The following WASF3 variants were observed in gnomAD, a reference collection of about 807,000 sequenced individuals.
The protein encoded by WASF3 is actin-binding protein WASF3.
In WASF3, 11 loss-of-function variants were observed where a neutral mutation model predicts 46.6. The observed-to-expected ratio is 0.24, with a 90% confidence interval of 0.15 to 0.39. The LOEUF is 0.39. WASF3 is among the 10% of genes least tolerant of loss of function. WASF3 has a pLI of 1.00. For missense variants in WASF3, 576 were observed against 669.8 expected (o/e 0.86, Z 1.55); for synonymous variants, 242 against 259.7 (o/e 0.93, Z 0.65).
intron 1 of WASF3, among the ~76,000 whole-genome samples, chr13:26,597,111 C>T (rs539359368): frequency 7.9e-5 from 12 of 152,052 alleles, no homozygotes; most frequent in Non-Finnish European, 1.6e-4. Flanking sequence ...TGTTTGTCTC[C>T]TCCTTGTGTC....
chr13:26,628,048 G>A (rs546969868), intron 2 of WASF3, among the ~76,000 whole-genome samples: 351 of 132,712 alleles, frequency 2.6e-3, no homozygotes, highest in African/African-American at 8.8e-3. Flanking sequence ...AATGCTGCCC[G>A]TACATGGAAA....
intron 1 of WASF3, among the ~76,000 whole-genome samples, chr13:26,563,137 G>C (rs1345286900): frequency 1.3e-5 from 2 of 151,780 alleles, no homozygotes; most frequent in African/African-American, 2.4e-5. Context: ...TGTTCTGACA[G>C]AATACTCTCT....
chr13:26,549,504 G>A, the WASF3 span, among the ~76,000 whole-genome samples: 2 of 151,982 alleles, frequency 1.3e-5, no homozygotes, highest in Non-Finnish European at 2.9e-5. Context: ...CCTAACATGG[G>A]GATCACAACG....
chr13:26,671,551 T>A (rs1323427498), intron 5 of WASF3, among the ~76,000 whole-genome samples: 3 of 152,174 alleles, frequency 2.0e-5, no homozygotes, highest in Non-Finnish European at 4.4e-5. Flanking sequence ...AAGCAAAAAA[T>A]TTCCTGAAGT....
rs545701506 is a variant in WASF3, at chr13:26,667,889, G to A, written c.422+219G>A. Among the ~76,000 whole-genome samples the A allele has an allele frequency of 1.5e-4, 23 of 152,302 alleles. No individual in the cohort carries two copies. In the East Asian group the frequency reaches 1.9e-3, roughly 13 times the overall value. On this transcript the variant is annotated intron_variant, in intron 5 of 9. Transcript: ENST00000335327. Reference sequence around the variant, plus strand: ...TTACAGTATTTCAGCATATTGATACGTTTAACAGTAGAAATGTGAGTTCTG... The same window carrying A: ...TTACAGTATTTCAGCATATTGATACATTTAACAGTAGAAATGTGAGTTCTG...
At chr13:26,615,340 C>T (rs999742033) in intron 2 of WASF3, among the ~76,000 whole-genome samples, 10 of 152,000 alleles carry the variant, frequency 6.6e-5, no homozygotes, top group Non-Finnish European at 1.5e-4. Flanking sequence ...GACGGAGTCT[C>T]GCTCTGTCAC....
intron 1 of WASF3, among the ~76,000 whole-genome samples, chr13:26,584,483 T>C (rs1259612332): frequency 6.6e-6 from 1 of 152,228 alleles, no homozygotes; most frequent in African/African-American, 2.4e-5. Context: ...TTAATCTGTA[T>C]TGGTAAACGC....
chr13:26,607,010 C>CTGTGCCTAATTTATAAGTTAAA (rs1880820014), intron 1 of WASF3: 1 of 152,176 alleles, frequency 6.6e-6, no homozygotes. Context: ...GTTAGTCTTA[C>CTGTGCCTAATTTATAAGTTAAA]TGTGCCTAAT....
Position 26,682,980 on chromosome 13 carries a change from TG to T in WASF3, c.1351+8del, listed in dbSNP as rs1454149558. The T allele has an allele frequency of 6.3e-7, 1 of 1,598,042 alleles. No homozygotes were observed. The highest frequency in any genetic ancestry group is 1.7e-5 in the Admixed American group (1 of 59,236). On this transcript the variant is annotated splice_region_variant and intron_variant, in intron 9 of 9. Transcript: ENST00000335327. This position sits in a 1 kb window ranked among gnomAD's most constrained non-coding sequence, Gnocchi z 4.4. Reference sequence around the variant, plus strand: ...CCTCGCTGCTATTCGAATGGGTAAGTGGAGCCCCCAGACACACAGCCTGCCT... The same window carrying T: ...CCTCGCTGCTATTCGAATGGGTAAGTGAGCCCCCAGACACACAGCCTGCCT...
chr13:26,657,710 A>G (rs1378265698), intron 3 of WASF3, among the ~76,000 whole-genome samples: 1 of 152,242 alleles, frequency 6.6e-6, no homozygotes, highest in Non-Finnish European at 1.5e-5. Context: ...AATGTGCTCC[A>G]TAATTCAGAA....
chr13:26,558,682 A>G (rs1053343274), intron 1 of WASF3, among the ~76,000 whole-genome samples: 2 of 152,240 alleles, frequency 1.3e-5, no homozygotes, highest in South Asian at 4.1e-4. Context: ...CTTAGGGATC[A>G]ATGGGAGCAT....
In WASF3 at chr13:26,682,583, C is replaced by G. The variant is rs775845296; in HGVS notation, c.984-24C>G. 1.2e-6 allele frequency: 2 copies of G among 1,613,898 alleles called. No individual in the cohort carries two copies. The highest frequency in any genetic ancestry group is 1.7e-6 in the Non-Finnish European group (2 of 1,179,944). Reference sequence around the variant, plus strand: ...TGACCCTCTCTTGTTCCCTTGGTGACTATGTGCCTCATATCTCTCTCAGGA... The same window carrying G: ...TGACCCTCTCTTGTTCCCTTGGTGAGTATGTGCCTCATATCTCTCTCAGGA... On this transcript the variant is annotated intron_variant, in intron 8 of 9. Transcript: ENST00000335327. This position sits in a 1 kb window ranked among gnomAD's most constrained non-coding sequence, Gnocchi z 4.4.
chr13:26,572,003 A>G (rs1278688265), intron 1 of WASF3, among the ~76,000 whole-genome samples: 1 of 152,136 alleles, frequency 6.6e-6, no homozygotes, highest in Non-Finnish European at 1.5e-5. Context: ...CTAACTGGTT[A>G]TTCTTTGTGT....
intron 2 of WASF3, among the ~76,000 whole-genome samples, chr13:26,616,753 C>A (rs182205229): frequency 7.2e-4 from 109 of 152,210 alleles, no homozygotes; most frequent in Non-Finnish European, 1.2e-3. Context: ...GGACAGAAGA[C>A]CCCTAATTAG....
intron 1 of WASF3, among the ~76,000 whole-genome samples, chr13:26,594,043 A>G (rs1367476487): frequency 6.6e-6 from 1 of 152,246 alleles, no homozygotes; most frequent in Non-Finnish European, 1.5e-5. Context: ...AGAATTAGTT[A>G]CATTGATTTA....
intron 1 of WASF3, among the ~76,000 whole-genome samples, chr13:26,597,730 C>T (rs1298122650): frequency 1.3e-5 from 2 of 151,996 alleles, no homozygotes; most frequent in Non-Finnish European, 2.9e-5. Context: ...GTTTTTTGTC[C>T]TTGCGATAGT....
chr13:26,583,392 G>T (rs549576215), intron 1 of WASF3, among the ~76,000 whole-genome samples: 1 of 152,256 alleles, frequency 6.6e-6, no homozygotes, highest in East Asian at 1.9e-4. Flanking sequence ...CTAGTCTAGG[G>T]CTCCTTCTCC....
chr13:26,575,366 A>C (rs1443168575), intron 1 of WASF3, among the ~76,000 whole-genome samples: 1 of 152,040 alleles, frequency 6.6e-6, no homozygotes, highest in Admixed American at 6.5e-5. Flanking sequence ...TTAGTTCTAC[A>C]GTTAAATACA....
At chr13:26,650,725 G>C (rs1009258576) in intron 3 of WASF3, among the ~76,000 whole-genome samples, 1 of 152,128 alleles carries the variant, frequency 6.6e-6, no homozygotes. Context: ...GAAAAATACA[G>C]TATCAGAAAG....
Sources: allele counts gnomAD v4.1 joint callset (sites outside exome capture counted in the v4.1 genomes callset), GRCh38; gene constraint gnomAD v4.1.1; non-coding constraint Gnocchi (gnomAD v3.1); transcripts MANE v1.5; gene names NCBI Gene and HGNC (gene_info 2026-07-23, HGNC 2026-07-21).